ZNF692: variants seen among roughly 807,000 people sequenced by gnomAD.
ZNF692 encodes the protein AICAR responsive element binding protein.
ZNF692 carries 41 observed loss-of-function variants against 49.0 expected under a neutral mutation model. That is an observed-to-expected ratio of 0.84 (90% confidence interval 0.65 to 1.08). The LOEUF (loss-of-function observed/expected upper bound fraction) is 1.08, where lower values mean the gene tolerates loss of function less well. Ranked by LOEUF, ZNF692 falls within the 50% of genes least tolerant of loss-of-function variation. The probability of loss-of-function intolerance (pLI) is 0.00; values close to 1 mark genes in which losing one functional copy is unlikely to be tolerated. For synonymous variants in ZNF692, 288 were observed against 251.5 expected, an observed-to-expected ratio of 1.15 and a Z score of -1.37; for missense variants, 662 against 662.2, an observed-to-expected ratio of 1.00 and a Z score of 0.00.
rs74157332 is a variant in ZNF692 at position 248,853,762 on chromosome 1, G to A, written c.1153+175C>T. On this transcript the variant is annotated intron_variant, in intron 10 of 11. Coordinates refer to ENST00000306601, the MANE Select transcript of ZNF692 (RefSeq NM_017865.4). The stretch of plus-strand genomic sequence containing the variant: ...AAAACAAGCAGGTGCTCAACACACA[G>A]GGCATACAGGATGAGGGAGAGTCAT... Among the ~76,000 whole-genome samples, 371 of 152,312 alleles carry A rather than the reference G, an allele frequency of 2.4e-3. 1 individual carries two copies. The highest frequency in any genetic ancestry group is 8.6e-3 in the African/African-American group (356 of 41,564).
rs1244637918 is a variant in ZNF692, at chr1:248,857,855, T to C, written c.184A>G (p.Thr62Ala). 4 of 1,613,824 alleles carry C rather than the reference T, an allele frequency of 2.5e-6. No individual in the cohort carries two copies. The highest frequency in any genetic ancestry group is 2.2e-5 in the East Asian group (1 of 44,860). The change falls in exon 3 of 12, where the codon ACT becomes GCT. Residue 62 changes from threonine to alanine, a missense_variant. Transcript: ENST00000306601. ...QLAKFLLDRY[T>A]SSGCVLCAGP... ...GCACAGAGGACACAGCCTGAAGAAG[T>C]GTACCTGCCAGCAGGAGAAGAGGCA...
At position 248,858,859 on chromosome 1, in the gene ZNF692, A is replaced by G. The variant is rs1278841050; in HGVS notation, c.-13+59T>C. The G allele has an allele frequency of 1.7e-5, 7 of 421,834 alleles. No individual in the cohort carries two copies. In the East Asian group the frequency reaches 2.7e-4, roughly 16 times the overall value. 26.1% of individuals were successfully genotyped at this position (421,834 alleles called of 1,614,324 possible). A position where few individuals can be genotyped will look rare whatever the true frequency, so the allele number is the denominator to read the frequency against. On this transcript the variant is annotated intron_variant, in intron 1 of 11. Transcript: ENST00000306601. This position sits in a 1 kb window ranked among gnomAD's most constrained non-coding sequence, Gnocchi z 4.3. The stretch of plus-strand genomic sequence containing the variant: ...CAGTGAGTGGAGCGGACTAATCCCA[A>G]TGGCAGTTCCCAGGCTGCCCAGAGC...
rs1660237780 is a variant in ZNF692, at chr1:248,856,384, C to A, written c.563G>T (p.Gly188Val). The A allele has an allele frequency of 4.3e-6, 7 of 1,612,994 alleles. No individual in the cohort carries two copies. The highest frequency in any genetic ancestry group is 5.9e-6 in the Non-Finnish European group (7 of 1,179,350). Reference sequence around the variant, plus strand: ...CTCTTCTTCCTCACCCTCTTCCTCTCCTGGAGGTGGGAAGGTCTCTGGTGG... The same window carrying A: ...CTCTTCTTCCTCACCCTCTTCCTCTACTGGAGGTGGGAAGGTCTCTGGTGG... ...GPPPETFPPP[G>V]EEEGEEEEDN... Residue 188 changes from glycine to valine, a missense_variant, in exon 6 of 12, where the codon GGA becomes GTA. Physicochemically the swap from Gly to Val is moderately radical, Grantham distance 109 (BLOSUM62 -3). Coordinates refer to ENST00000306601, the MANE Select transcript of ZNF692 (RefSeq NM_017865.4).
At chr1:248,857,544 C>T in intron 3 of ZNF692, 47 bp from the exon 4 acceptor site, 20 of 1,575,210 alleles carry the variant, frequency 1.3e-5, no homozygotes, top group Non-Finnish European at 1.7e-5. Context: ...AAGTCTCCTC[C>T]TCTTACCCTG....
rs1660573958 is a variant in ZNF692, at chr1:248,858,898, C to T, written c.-13+20G>A. The T allele has an allele frequency of 9.5e-6, 3 of 314,416 alleles. No homozygotes were observed. Among genetic ancestry groups the T allele is most frequent in the South Asian group, 7.1e-5 (2 of 28,290 alleles). The allele number at this position is 314,416 out of a possible 1,614,324, so 19.5% of individuals were successfully genotyped here. A position where few individuals can be genotyped will look rare whatever the true frequency, so the allele number is the denominator to read the frequency against. ...GCTGCCCAGAGCCCCCGTCGCGACCCACCCCCACCCCGGCCTTACCTGTGC... is the reference window on the plus strand; with the variant it reads ...GCTGCCCAGAGCCCCCGTCGCGACCTACCCCCACCCCGGCCTTACCTGTGC... On this transcript the variant is annotated intron_variant, in intron 1 of 11. Transcript: ENST00000306601. The surrounding 1 kb of genome is among the most constrained non-coding windows in gnomAD (Gnocchi z 4.3).
Position 248,853,997 on chromosome 1 carries a change from C to T in ZNF692, c.1093G>A (p.Ala365Thr). The change falls in exon 10 of 12, where the codon GCC (alanine) becomes ACC (threonine). Residue 365 changes from alanine (A) to threonine (T), a missense_variant. Ala to Thr is a moderately conservative substitution (Grantham distance 58). Coordinates refer to ENST00000306601, the MANE Select transcript of ZNF692 (RefSeq NM_017865.4). ...TTAAAGTTGAAAGACTTCCCACAGGCTGGCTCTGGGCAGGAGAAAGACTTC... is the reference window on the plus strand; with the variant it reads ...TTAAAGTTGAAAGACTTCCCACAGGTTGGCTCTGGGCAGGAGAAAGACTTC... ...HQKSFSCPEP[A>T]CGKSFNFKKH... 6.2e-7 allele frequency: 1 copy of T among 1,614,228 alleles called. No homozygotes were observed.
At chr1:248,856,598 T>A in intron 4 of ZNF692, 36 bp from the exon 5 acceptor site, 1 of 1,613,634 alleles carries the variant, frequency 6.2e-7, no homozygotes, top group Non-Finnish European at 8.5e-7. Context: ...GAAGGAACTC[T>A]GGACTCAAGG....
chr1:248,857,244 C>T lies in ZNF692; in HGVS notation c.465G>A (p.Gln155=). ...TTTTTTCCAGCCTACCTGCAAGCTC[C>T]TGCCCACTCGTGGCCTCGGAACACC... ...RSWCSEATSG[Q]ELADLESEHD... is the part of the protein sequence containing the mutation. Residue 155 remains glutamine (Q), a synonymous_variant, in exon 4 of 12, where the codon CAG becomes CAA. Coordinates refer to ENST00000306601, the MANE Select transcript of ZNF692 (RefSeq NM_017865.4). 1 of 1,610,548 alleles carries T rather than the reference C, an allele frequency of 6.2e-7. No homozygotes were observed. Among genetic ancestry groups the T allele is most frequent in the Non-Finnish European group, 8.5e-7 (1 of 1,177,124 alleles).
Position 248,850,203 on chromosome 1 carries a change from G to C in ZNF692, c.*7C>G, listed in dbSNP as rs772566818. On this transcript the variant is annotated 3_prime_UTR_variant, in exon 12 of 12. Transcript: ENST00000306601. ...CTGGCTTCCCAAAGCCAAAGCTGGA[G>C]GAGAGCTCATTGCTGAGGAAGCAGG... 33 of 1,515,304 alleles carry C rather than the reference G, an allele frequency of 2.2e-5. No individual in the cohort carries two copies. Among genetic ancestry groups the C allele is most frequent in the African/African-American group, 2.8e-5 (2 of 71,772 alleles). The allele number at this position is 1,515,304 out of a possible 1,614,324, so 93.9% of individuals were successfully genotyped here. A position where few individuals can be genotyped will look rare whatever the true frequency, so the allele number is the denominator to read the frequency against.
chr1:248,858,006 A>C lies in ZNF692; in HGVS notation c.179+125T>G. 1.9e-6 allele frequency: 3 copies of C among 1,546,302 alleles called. No individual in the cohort carries two copies. The highest frequency in any genetic ancestry group is 2.3e-5 in the South Asian group (2 of 85,206). The stretch of plus-strand genomic sequence containing the variant: ...GCAGGACCCTCGGAGGCCACAAGTC[A>C]CACAGGCCGTCCTGGTAAAGTGAGA... On this transcript the variant is annotated intron_variant, in intron 2 of 11. Transcript: ENST00000306601. This position sits in a 1 kb window ranked among gnomAD's most constrained non-coding sequence, Gnocchi z 4.3.
Position 248,850,194 on chromosome 1 carries a change from A to G in ZNF692, c.*16T>C. 6.6e-7 allele frequency: 1 copy of G among 1,510,006 alleles called. No individual in the cohort carries two copies. 93.5% of individuals were successfully genotyped at this position (1,510,006 alleles called of 1,614,324 possible). On this transcript the variant is annotated 3_prime_UTR_variant, in exon 12 of 12. Coordinates refer to ENST00000306601, the MANE Select transcript of ZNF692 (RefSeq NM_017865.4). ...CCCTGGAGTCTGGCTTCCCAAAGCC[A>G]AAGCTGGAGGAGAGCTCATTGCTGA...
rs1659574719 is a variant in ZNF692 at position 248,851,422 on chromosome 1, G to GA, written c.1154-642_1154-641insT. Among the ~76,000 whole-genome samples, 36 of 152,202 alleles carry GA rather than the reference G, an allele frequency of 2.4e-4. 1 individual carries two copies. The highest frequency in any genetic ancestry group is 2.2e-3 in the Admixed American group (34 of 15,278). On this transcript the variant is annotated intron_variant, in intron 10 of 11. Transcript: ENST00000306601. Reference sequence around the variant, plus strand: ...TCACTGTGTGGCAGCAGCTCTCACAGGCTGCTGTGGTTTCTCTAACCCACC... The same window carrying GA: ...TCACTGTGTGGCAGCAGCTCTCACAGAGCTGCTGTGGTTTCTCTAACCCACC...
chr1:248,857,316 T>C lies in ZNF692; in HGVS notation c.393A>G (p.Ser131=), dbSNP rs749241381. The part of the protein sequence containing the change: ...SWGPSLSPTP[S]EAPKPASLPH... ...GAAGGGAGGCTGGCTTGGGTGCCTC[T>C]GAAGGTGTAGGGCTCAAAGAGGGTC... is the stretch of plus-strand genomic sequence containing the variant. Residue 131 remains serine (S), a synonymous_variant, in exon 4 of 12, where the codon TCA becomes TCG. Transcript: ENST00000306601. 12 of 1,614,174 alleles carry C rather than the reference T, an allele frequency of 7.4e-6. No individual in the cohort carries two copies. Among genetic ancestry groups the C allele is most frequent in the Non-Finnish European group, 8.5e-6 (10 of 1,180,038 alleles).
rs1230883028 is a variant in ZNF692 at position 248,857,304 on chromosome 1, C to G, written c.405G>C (p.Lys135Asn). The G allele has an allele frequency of 6.2e-7, 1 of 1,614,182 alleles. No individual in the cohort carries two copies. The highest frequency in any genetic ancestry group is 1.1e-5 in the South Asian group (1 of 91,086). The part of the protein sequence containing the change: ...SLSPTPSEAP[K>N]PASLPHTTRR... ...GAGTAGTATGTGGAAGGGAGGCTGGCTTGGGTGCCTCTGAAGGTGTAGGGC... is the reference window on the plus strand; with the variant it reads ...GAGTAGTATGTGGAAGGGAGGCTGGGTTGGGTGCCTCTGAAGGTGTAGGGC... The change falls in exon 4 of 12, where the codon AAG becomes AAC. Residue 135 changes from lysine to asparagine, a missense_variant. Coordinates refer to ENST00000306601, the MANE Select transcript of ZNF692 (RefSeq NM_017865.4).
intron 2 of ZNF692, 64 bp from the exon 3 acceptor site, chr1:248,857,923 C>T (rs763744122): frequency 6.3e-7 from 1 of 1,599,184 alleles, no homozygotes; most frequent in South Asian, 1.1e-5. Context: ...CCTGGGCACT[C>T]ACACATGTAA....
Position 248,858,792 on chromosome 1 carries a change from C to G in ZNF692, c.-13+126G>C. On this transcript the variant is annotated intron_variant, in intron 1 of 11. Coordinates refer to ENST00000306601, the MANE Select transcript of ZNF692 (RefSeq NM_017865.4). This position sits in a 1 kb window ranked among gnomAD's most constrained non-coding sequence, Gnocchi z 4.3. ...GCCGTGGTCAGAGGTCTGGAGGGCG[C>G]CCCCCATCCACCCCGTCTTGGGCAC... 1 of 585,162 alleles carries G rather than the reference C, an allele frequency of 1.7e-6. No individual in the cohort carries two copies. Among genetic ancestry groups the G allele is most frequent in the Non-Finnish European group, 3.1e-6 (1 of 326,792 alleles). The allele number at this position is 585,162 out of a possible 1,614,324, so 36.2% of individuals were successfully genotyped here. A position where few individuals can be genotyped will look rare whatever the true frequency, so the allele number is the denominator to read the frequency against.
chr1:248,855,550 A>C lies in ZNF692; in HGVS notation c.959+8T>G. ...CCCTCCCCAGAACCCCATCTCCCTAAGTCCTACCTAATTCTCTTGGGGCCA... is the reference window on the plus strand; with the variant it reads ...CCCTCCCCAGAACCCCATCTCCCTACGTCCTACCTAATTCTCTTGGGGCCA... On this transcript the variant is annotated splice_region_variant and intron_variant, in intron 8 of 11. Transcript: ENST00000306601. The C allele has an allele frequency of 1.2e-6, 2 of 1,614,068 alleles. No homozygotes were observed. The highest frequency in any genetic ancestry group is 2.2e-5 in the South Asian group (2 of 91,088).
Position 248,858,275 on chromosome 1 carries a change from C to T in ZNF692, c.35G>A (p.Arg12Lys), listed in dbSNP as rs1660485452. The T allele has an allele frequency of 3.2e-6, 5 of 1,583,464 alleles. No individual in the cohort carries two copies. The highest frequency in any genetic ancestry group is 4.3e-6 in the Non-Finnish European group (5 of 1,163,424). ...CAGCTGCCGCCGCTTCTCCCGCCGC[C>T]TGCAGGACACGTCCACCGCCGGGGA... ...ASSPAVDVSC[R>K]RREKRRQLDA... The change falls in exon 2 of 12, where the codon AGG becomes AAG. Residue 12 changes from arginine to lysine, a missense_variant. Arg to Lys is a conservative substitution (Grantham distance 26). Transcript: ENST00000306601. This position sits in a 1 kb window ranked among gnomAD's most constrained non-coding sequence, Gnocchi z 4.3.
intron 10 of ZNF692, among the ~76,000 whole-genome samples, chr1:248,853,514 T>C (rs1217912672): frequency 1.3e-5 from 2 of 152,168 alleles, no homozygotes; most frequent in African/African-American, 4.8e-5. Flanking sequence ...TAAGGGCCCT[T>C]CCACACGCGC....
Sources: allele counts gnomAD v4.1 joint callset (sites outside exome capture counted in the v4.1 genomes callset), GRCh38; gene constraint gnomAD v4.1.1; non-coding constraint Gnocchi (gnomAD v3.1); transcripts MANE v1.5; gene names NCBI Gene and HGNC (gene_info 2026-07-23, HGNC 2026-07-21).